The following ACVR1 variants were observed in gnomAD, a reference collection of about 807,000 sequenced individuals.
ACVR1 encodes the protein activin A receptor type 1.
Under a neutral mutation model 57.1 loss-of-function variants are expected in ACVR1, and 38 were observed. The observed-to-expected ratio is 0.67, with a 90% CI of 0.51 to 0.87. ACVR1 has a LOEUF of 0.87. Among genes scored for constraint, ACVR1 ranks in the 40% least tolerant of loss-of-function variants. The probability of loss-of-function intolerance (pLI) is 0.00; values close to 1 mark genes in which losing one functional copy is unlikely to be tolerated. For missense variants in ACVR1, 463 were observed against 638.2 expected (o/e 0.73, Z 2.96); for synonymous variants, 212 against 228.1 (o/e 0.93, Z 0.63).
intron 9 of ACVR1, among the ~76,000 whole-genome samples, chr2:157,750,322 C>T (rs773035609): frequency 9.9e-5 from 15 of 152,218 alleles, no homozygotes; most frequent in East Asian, 7.7e-4. Flanking sequence ...CCATTGCATT[C>T]GATTCCATTG....
At chr2:157,871,682 A>G (rs1012597058) in intron 1 of ACVR1, among the ~76,000 whole-genome samples, 2 of 152,218 alleles carry the variant, frequency 1.3e-5, no homozygotes, top group Admixed American at 1.3e-4. Context: ...CTGATGGATC[A>G]CATAAGAGCC....
At chr2:157,825,887 C>T (rs1000338578) in intron 1 of ACVR1, among the ~76,000 whole-genome samples, 1 of 152,196 alleles carries the variant, frequency 6.6e-6, no homozygotes, top group African/African-American at 2.4e-5. Flanking sequence ...CCCCAACACA[C>T]GACTCCCTAA....
At chr2:157,757,029 T>G (rs1221980988) in intron 9 of ACVR1, among the ~76,000 whole-genome samples, 7 of 129,122 alleles carry the variant, frequency 5.4e-5, no homozygotes, top group African/African-American at 2.4e-4. Context: ...TTGATATATA[T>G]ATATATATAT....
chr2:157,845,656 G>T (rs1425701598), intron 1 of ACVR1, among the ~76,000 whole-genome samples: 1 of 151,156 alleles, frequency 6.6e-6, no homozygotes, highest in Non-Finnish European at 1.5e-5. Flanking sequence ...TGCTGGGAAG[G>T]CCTGAAAGGG....
At chr2:157,807,679 G>A (rs1687599601) in intron 2 of ACVR1, among the ~76,000 whole-genome samples, 1 of 151,748 alleles carries the variant, frequency 6.6e-6, no homozygotes, top group Non-Finnish European at 1.5e-5. Context: ...AAGTCCTCAG[G>A]TAGACACTGT....
chr2:157,826,955 G>GAGAA (rs955343863), intron 1 of ACVR1, among the ~76,000 whole-genome samples: 1 of 147,806 alleles, frequency 6.8e-6, no homozygotes, highest in Non-Finnish European at 1.5e-5. Context: ...CAGAGAGAAA[G>GAGAA]AGAAAGAAAG....
chr2:157,777,991 T>C (rs995477325), intron 5 of ACVR1, 140 bp downstream of exon 5: 5 of 872,628 alleles, frequency 5.7e-6, no homozygotes, highest in African/African-American at 5.0e-5. Flanking sequence ...AGCATGTGCT[T>C]GTTTAGGACA....
intron 2 of ACVR1, among the ~76,000 whole-genome samples, chr2:157,804,907 G>C (rs1254741091): frequency 6.6e-6 from 1 of 152,176 alleles, no homozygotes; most frequent in Non-Finnish European, 1.5e-5. Context: ...CTAGCGCTTA[G>C]CTCAATTTCT....
chr2:157,794,545 C>T (rs564767286), intron 3 of ACVR1, among the ~76,000 whole-genome samples: 1 of 152,096 alleles, frequency 6.6e-6, no homozygotes, highest in Non-Finnish European at 1.5e-5. Context: ...TTGAAGAGGA[C>T]TGATAATGAC....
At chr2:157,807,076 G>T (rs748231354) in intron 2 of ACVR1, 4 of 152,056 alleles carry the variant, frequency 2.6e-5, no homozygotes, top group Non-Finnish European at 4.4e-5. Flanking sequence ...CATTCCAGCT[G>T]TAACAGATGG....
At chr2:157,865,092 T>A (rs1574164005) in intron 1 of ACVR1, among the ~76,000 whole-genome samples, 1 of 103,238 alleles carries the variant, frequency 9.7e-6, no homozygotes, top group East Asian at 2.8e-4. Context: ...GACTCAAACT[T>A]ACACAGGAAA....
intron 1 of ACVR1, among the ~76,000 whole-genome samples, chr2:157,842,454 G>A (rs979442045): frequency 2.0e-5 from 3 of 152,186 alleles, no homozygotes; most frequent in African/African-American, 7.2e-5. Flanking sequence ...AGGCACTGGA[G>A]GTATGACATC....
chr2:157,765,032 A>T (rs1350966590), intron 8 of ACVR1, among the ~76,000 whole-genome samples: 3 of 152,204 alleles, frequency 2.0e-5, no homozygotes, highest in African/African-American at 7.2e-5. Context: ...TAATTGCAAT[A>T]ATATAAATAT....
intron 6 of ACVR1, among the ~76,000 whole-genome samples, chr2:157,773,784 A>G (rs191172533): frequency 1.3e-5 from 2 of 152,326 alleles, no homozygotes; most frequent in East Asian, 1.9e-4. Context: ...TCCAATACCT[A>G]TGGTAAGGAG....
At chr2:157,760,167 G>GCAGGTGACATAATCTTTTATC (rs1233653788) in intron 9 of ACVR1, among the ~76,000 whole-genome samples, 35 of 152,262 alleles carry the variant, frequency 2.3e-4, no homozygotes, top group African/African-American at 8.2e-4. Flanking sequence ...GTCCCTCTTT[G>GCAGGTGACATAATCTTTTATC]CAGGTGACAT....
chr2:157,846,259 G>A (rs1337292879), intron 1 of ACVR1, among the ~76,000 whole-genome samples: 1 of 152,218 alleles, frequency 6.6e-6, no homozygotes, highest in African/African-American at 2.4e-5. Flanking sequence ...GCCAAAGGAA[G>A]TGGATTCTCC....
intron 2 of ACVR1, among the ~76,000 whole-genome samples, chr2:157,812,917 A>G (rs1317810237): frequency 6.6e-6 from 1 of 152,216 alleles, no homozygotes; most frequent in Non-Finnish European, 1.5e-5. Flanking sequence ...CAAAGGATAT[A>G]GAAAGTCTAG....
At chr2:157,767,101 G>A (rs1040779757) in intron 7 of ACVR1, among the ~76,000 whole-genome samples, 2 of 151,926 alleles carry the variant, frequency 1.3e-5, no homozygotes, top group Non-Finnish European at 2.9e-5. Context: ...GCGCGATCTC[G>A]GTTCACTGCA....
chr2:157,856,022 C>T (rs140637899), intron 1 of ACVR1, among the ~76,000 whole-genome samples: 5,202 of 151,940 alleles, frequency 0.034, 220 homozygotes, highest in Admixed American at 0.14. Flanking sequence ...TCTTCCTCAA[C>T]CTACGACACC....
Sources: allele counts gnomAD v4.1 joint callset (sites outside exome capture counted in the v4.1 genomes callset), GRCh38; gene constraint gnomAD v4.1.1; transcripts MANE v1.5; gene names NCBI Gene and HGNC (gene_info 2026-07-23, HGNC 2026-07-21).